The following MOXD1 variants were observed in gnomAD, a reference collection of about 807,000 sequenced individuals.
MOXD1 encodes the protein monooxygenase DBH like 1, also known as DBH-like monooxygenase protein 1.
In MOXD1, 62 loss-of-function variants were observed where a neutral mutation model predicts 66.6. The observed-to-expected ratio is 0.93, with a 90% CI of 0.76 to 1.15. The LOEUF (loss-of-function observed/expected upper bound fraction) is 1.15, where lower values mean the gene tolerates loss of function less well. Ranked by LOEUF, MOXD1 falls within the 50% of genes most tolerant of loss-of-function variation. MOXD1 has a pLI of 0.00. For missense variants in MOXD1, 847 were observed against 754.6 expected, an observed-to-expected ratio of 1.12 and a Z score of -1.44; for synonymous variants, 303 against 281.9, an observed-to-expected ratio of 1.07 and a Z score of -0.75.
In MOXD1 at chr6:132,328,593, A is replaced by G. The variant is rs1490964968; in HGVS notation, c.665T>C (p.Val222Ala). Residue 222 changes from valine to alanine, a missense_variant and splice_region_variant, in exon 5 of 12, where the codon GTT (valine) becomes GCT (alanine). Val to Ala is a moderately conservative substitution (Grantham distance 64). Coordinates refer to ENST00000367963, the MANE Select transcript of MOXD1 (RefSeq NM_015529.4). Reference sequence around the variant, plus strand: ...ATGGCCTCTCTGTATCACTGGCTCAACCTACACGAACATAAATGAGAGGGA... The same window carrying G: ...ATGGCCTCTCTGTATCACTGGCTCAGCCTACACGAACATAAATGAGAGGGA... ...VFQEKHHVIK[V>A]EPVIQRGHES... is the part of the protein sequence containing the mutation. 1 of 1,613,064 alleles carries G rather than the reference A, an allele frequency of 6.2e-7. No individual in the cohort carries two copies. The highest frequency in any genetic ancestry group is 1.1e-5 in the South Asian group (1 of 90,982).
intron 4 of MOXD1, among the ~76,000 whole-genome samples, chr6:132,361,099 A>G (rs140099124): frequency 4.4e-4 from 67 of 152,330 alleles, no homozygotes; most frequent in Middle Eastern, 6.8e-3. Context: ...AATGAGATGC[A>G]TTTTAAAGTC....
intron 1 of MOXD1, chr6:132,390,391 C>T (rs1776735397): frequency 6.6e-6 from 1 of 151,468 alleles, no homozygotes; most frequent in Non-Finnish European, 1.5e-5. Context: ...TATCAGCATC[C>T]TGATCTCAAA....
At chr6:132,354,592 C>A (rs1409747078) in intron 4 of MOXD1, among the ~76,000 whole-genome samples, 1 of 152,146 alleles carries the variant, frequency 6.6e-6, no homozygotes, top group Admixed American at 6.5e-5. Context: ...AGGGTTCTTA[C>A]CTTTGGTGAT....
At chr6:132,301,305 CTG>C (rs1203925429) in intron 10 of MOXD1, among the ~76,000 whole-genome samples, 5 of 151,616 alleles carry the variant, frequency 3.3e-5, no homozygotes, top group South Asian at 4.2e-4. Flanking sequence ...CATCTAAACT[CTG>C]AGACATGTTT....
rs184031442 is a variant in MOXD1 at position 132,358,017 on chromosome 6, G to A, written c.663+14591C>T. 3.8e-3 allele frequency among the ~76,000 whole-genome samples: 583 copies of A among 152,236 alleles called. 3 individuals carry two copies. Among genetic ancestry groups the A allele is most frequent in the Middle Eastern group, 0.034 (10 of 294 alleles). On this transcript the variant is annotated intron_variant, in intron 4 of 11. Coordinates refer to ENST00000367963, the MANE Select transcript of MOXD1 (RefSeq NM_015529.4). Reference sequence around the variant, plus strand: ...ATATTTCACATCTATTGTGCCTCAGGTGTTCCATAAACATTTTCCAAATAA... The same window carrying A: ...ATATTTCACATCTATTGTGCCTCAGATGTTCCATAAACATTTTCCAAATAA...
intron 1 of MOXD1, chr6:132,392,220 C>A: frequency 6.3e-7 from 1 of 1,598,566 alleles, no homozygotes; most frequent in Non-Finnish European, 8.5e-7. Context: ...ACTTCCTCAG[C>A]AAGTGGCCCG....
At chr6:132,320,311 TC>T (rs1471103989) in intron 9 of MOXD1, among the ~76,000 whole-genome samples, 1 of 152,172 alleles carries the variant, frequency 6.6e-6, no homozygotes, top group Non-Finnish European at 1.5e-5. Flanking sequence ...TAAGCCAGAC[TC>T]AAGCAGACAG....
At chr6:132,366,834 C>G (rs1014186535) in intron 4 of MOXD1, among the ~76,000 whole-genome samples, 1 of 152,046 alleles carries the variant, frequency 6.6e-6, no homozygotes, top group Non-Finnish European at 1.5e-5. Context: ...TAGGTGCCTA[C>G]TATAGGAAAA....
intron 4 of MOXD1, among the ~76,000 whole-genome samples, chr6:132,337,058 C>G (rs889298670): frequency 6.6e-6 from 1 of 152,128 alleles, no homozygotes; most frequent in African/African-American, 2.4e-5. Flanking sequence ...CAGAGAGGTA[C>G]CAGAGACAAG....
chr6:132,303,594 G>A (rs1378786046), intron 10 of MOXD1, among the ~76,000 whole-genome samples: 1 of 150,874 alleles, frequency 6.6e-6, no homozygotes, highest in East Asian at 2.0e-4. Flanking sequence ...AATATTCTGT[G>A]CATGTTCAAT....
chr6:132,346,212 T>C (rs949340944), intron 4 of MOXD1, among the ~76,000 whole-genome samples: 5 of 152,182 alleles, frequency 3.3e-5, no homozygotes, highest in African/African-American at 1.2e-4. Context: ...TAGTAAAATA[T>C]AACTTACATA....
chr6:132,333,495 T>A (rs1424714212), intron 4 of MOXD1, among the ~76,000 whole-genome samples: 1 of 152,164 alleles, frequency 6.6e-6, no homozygotes, highest in Non-Finnish European at 1.5e-5. Context: ...ATTGTACGAA[T>A]TATTAAAGAA....
intron 1 of MOXD1, chr6:132,392,356 A>T: frequency 6.5e-7 from 1 of 1,536,804 alleles, no homozygotes; most frequent in Non-Finnish European, 8.7e-7. Context: ...TTATACCCCC[A>T]TAAGAAGGGT....
intron 4 of MOXD1, among the ~76,000 whole-genome samples, chr6:132,340,892 C>T (rs571637756): frequency 6.7e-4 from 102 of 152,016 alleles, no homozygotes; most frequent in African/African-American, 2.0e-3. Context: ...GTGATCCGCC[C>T]GCCTCGGCCT....
At chr6:132,318,224 T>C (rs1774999843) in intron 9 of MOXD1, among the ~76,000 whole-genome samples, 1 of 152,060 alleles carries the variant, frequency 6.6e-6, no homozygotes, top group Non-Finnish European at 1.5e-5. Flanking sequence ...TAAATCTACA[T>C]AGGAATGGAA....
intron 4 of MOXD1, among the ~76,000 whole-genome samples, chr6:132,344,404 TG>T (rs768223744): frequency 3.9e-5 from 6 of 152,202 alleles, no homozygotes; most frequent in Admixed American, 3.3e-4. Flanking sequence ...GTTATTCATA[TG>T]GGGGGAAAAA....
intron 1 of MOXD1, among the ~76,000 whole-genome samples, chr6:132,379,021 T>C (rs1027760642): frequency 1.3e-5 from 2 of 150,724 alleles, no homozygotes; most frequent in Non-Finnish European, 3.0e-5. Flanking sequence ...TCCTAATTCC[T>C]TTTTTTATAC....
chr6:132,323,805 T>A, intron 7 of MOXD1, 126 bp downstream of exon 7: 1 of 1,049,558 alleles, frequency 9.5e-7, no homozygotes, highest in Non-Finnish European at 1.3e-6. Context: ...AAAATTGCGA[T>A]AAGGGTTTCA....
At chr6:132,377,679 C>T (rs889087777) in intron 1 of MOXD1, among the ~76,000 whole-genome samples, 5 of 152,158 alleles carry the variant, frequency 3.3e-5, no homozygotes, top group East Asian at 1.9e-4. Context: ...AAGACAGCTG[C>T]CAATTATTTC....
Sources: gnomAD v4.1 joint callset for allele counts (sites outside exome capture counted in the v4.1 genomes callset) on GRCh38, gnomAD v4.1.1 for gene constraint, MANE v1.5 for transcripts, NCBI Gene and HGNC (gene_info 2026-07-23, HGNC 2026-07-21) for gene names.